The following RNF214 variants were observed in gnomAD, a reference collection of about 807,000 sequenced individuals.
RNF214 encodes ring finger protein 214.
In RNF214, 25 loss-of-function variants were observed where a neutral mutation model predicts 75.9. The observed-to-expected ratio is 0.33, with a 90% CI of 0.24 to 0.46. The LOEUF (loss-of-function observed/expected upper bound fraction) is 0.46. Among genes scored for constraint, RNF214 ranks in the 20% least tolerant of loss-of-function variants. The pLI, the probability that RNF214 is intolerant of heterozygous loss-of-function variation, is 1.00. For missense variants in RNF214, 725 were observed against 857.5 expected, an observed-to-expected ratio of 0.85 and a Z score of 1.93; for synonymous variants, 314 against 308.8, an observed-to-expected ratio of 1.02 and a Z score of -0.18.
chr11:117,283,827 T>TTTC (rs1332103626), intron 14 of RNF214, among the ~76,000 whole-genome samples: 1 of 151,956 alleles, frequency 6.6e-6, no homozygotes, highest in Non-Finnish European at 1.5e-5. Flanking sequence ...TAATTTTTTT[T>TTTC]TTCTTTTTTA....
Position 117,282,852 on chromosome 11 carries a change from T to A in RNF214, c.1950+2T>A. Reference sequence around the variant, plus strand: ...TCATATCCTGGAAGGTCTTCACATGTAAGACTCTTTTTCTTTGAACACTGT... The same window carrying A: ...TCATATCCTGGAAGGTCTTCACATGAAAGACTCTTTTTCTTTGAACACTGT... On this transcript the variant is annotated splice_donor_variant, in intron 13 of 14. Coordinates refer to ENST00000300650, the MANE Select transcript of RNF214 (RefSeq NM_207343.4). LOFTEE classifies it high-confidence loss of function. The A allele has an allele frequency of 6.2e-7, 1 of 1,603,016 alleles. No individual in the cohort carries two copies. The highest frequency in any genetic ancestry group is 8.5e-7 in the Non-Finnish European group (1 of 1,169,906).
chr11:117,270,254 T>C (rs1470072392), intron 6 of RNF214, among the ~76,000 whole-genome samples: 3 of 136,132 alleles, frequency 2.2e-5, no homozygotes, highest in South Asian at 2.4e-4. Flanking sequence ...TTTTTTTTTT[T>C]TTTTTTTTTT....
chr11:117,271,453 T>G (rs1437539285), intron 6 of RNF214, among the ~76,000 whole-genome samples: 1 of 152,242 alleles, frequency 6.6e-6, no homozygotes, highest in African/African-American at 2.4e-5. Flanking sequence ...TGTGTATTCC[T>G]TTCTCAATGA....
rs145642925 is a variant in RNF214, at chr11:117,269,016, T to G, written c.960-10892T>G. ...GCACAGGGGAATTGCAGGAGAATGA[T>G]AACCCAATAAAGTCCAGATGCTTAT... On this transcript the variant is annotated intron_variant, in intron 6 of 14. Transcript: ENST00000300650. Among the ~76,000 whole-genome samples the G allele has an allele frequency of 2.5e-3, 384 of 152,336 alleles. 13 individuals carry two copies. The South Asian group carries it at 0.049, about 20-fold the overall frequency.
intron 6 of RNF214, among the ~76,000 whole-genome samples, chr11:117,271,278 T>A (rs1320529708): frequency 6.6e-6 from 1 of 152,174 alleles, no homozygotes; most frequent in Admixed American, 6.5e-5. Context: ...CAGCTCCTAC[T>A]CTTTGTATTA....
intron 6 of RNF214, among the ~76,000 whole-genome samples, chr11:117,262,162 C>CT (rs1317491695): frequency 6.6e-6 from 1 of 151,708 alleles, no homozygotes; most frequent in Non-Finnish European, 1.5e-5. Context: ...CTCTGCCTCC[C>CT]TGCAAGCTCC....
intron 2 of RNF214, among the ~76,000 whole-genome samples, chr11:117,238,349 G>A (rs2032968716): frequency 6.6e-6 from 1 of 152,186 alleles, no homozygotes; most frequent in African/African-American, 2.4e-5. Context: ...AGACTGTAGT[G>A]AGCCTTGATG....
intron 1 of RNF214, among the ~76,000 whole-genome samples, chr11:117,233,815 ACTTCC>A (rs1031355347): frequency 2.0e-5 from 3 of 152,112 alleles, no homozygotes; most frequent in African/African-American, 7.2e-5. Flanking sequence ...ACCTCCAAAA[ACTTCC>A]CTTAAATTAA....
chr11:117,264,741 C>G (rs2033756415), intron 6 of RNF214, among the ~76,000 whole-genome samples: 1 of 152,076 alleles, frequency 6.6e-6, no homozygotes, highest in South Asian at 2.1e-4. Flanking sequence ...CCCCTTCAGC[C>G]TTTCTATGTT....
chr11:117,248,165 T>A (rs2033277745), intron 6 of RNF214, among the ~76,000 whole-genome samples: 2 of 152,256 alleles, frequency 1.3e-5, no homozygotes, highest in Admixed American at 6.5e-5. Context: ...AAGCTCCACC[T>A]CCCGGGTTCA....
chr11:117,274,740 T>C (rs2033981698), intron 6 of RNF214, among the ~76,000 whole-genome samples: 1 of 148,346 alleles, frequency 6.7e-6, no homozygotes, highest in African/African-American at 2.5e-5. Context: ...AATGGCACAA[T>C]CTCAGCTCAC....
chr11:117,235,280 T>G (rs2032871048), intron 2 of RNF214, among the ~76,000 whole-genome samples: 2 of 152,052 alleles, frequency 1.3e-5, no homozygotes, highest in South Asian at 4.1e-4. Context: ...CACTGCAAGC[T>G]CTGCCTCCCG....
chr11:117,282,405 G>A lies in RNF214; in HGVS notation c.1714G>A (p.Ala572Thr), dbSNP rs750740579. The A allele has an allele frequency of 6.8e-6, 11 of 1,611,884 alleles. No individual in the cohort carries two copies. The highest frequency in any genetic ancestry group is 9.3e-6 in the Non-Finnish European group (11 of 1,179,278). The change falls in exon 12 of 15, where the codon GCC becomes ACC. Residue 572 changes from alanine to threonine, a missense_variant and splice_region_variant. Ala to Thr is a moderately conservative substitution (Grantham distance 58). Around this residue, in one of 2 missense-constraint regions of RNF214, gnomAD observed 363 missense variants for 513.0 expected, o/e 0.71. Coordinates refer to ENST00000300650, the MANE Select transcript of RNF214 (RefSeq NM_207343.4). ...LLTRFPQCNK[A>T]QMTNILQQIK... is the part of the protein sequence containing the mutation. ...TCCCTCAACATTTTTTTTCCTCAGG[G>A]CCCAGATGACCAACATTCTTCAGCA...
chr11:117,248,678 T>C (rs570845216), intron 6 of RNF214, among the ~76,000 whole-genome samples: 86 of 152,306 alleles, frequency 5.6e-4, no homozygotes, highest in South Asian at 5.2e-3. Context: ...TTGTCTATAA[T>C]GATAATTTTC....
At chr11:117,258,107 GAC>G (rs1281241022) in intron 6 of RNF214, among the ~76,000 whole-genome samples, 2 of 148,660 alleles carry the variant, frequency 1.3e-5, no homozygotes, top group Admixed American at 6.7e-5. Flanking sequence ...CTTTTTTTGA[GAC>G]AGAGTCTCGC....
chr11:117,260,419 G>A (rs950063312), intron 6 of RNF214, among the ~76,000 whole-genome samples: 3 of 152,200 alleles, frequency 2.0e-5, no homozygotes, highest in African/African-American at 7.2e-5. Context: ...TGGCACTTTT[G>A]CCAAAAACCA....
intron 3 of RNF214, 62 bp downstream of exon 3, chr11:117,239,173 G>GATATTT: frequency 6.8e-7 from 1 of 1,478,658 alleles, no homozygotes. Context: ...CAGGGTGGGA[G>GATATTT]ATATTTCTTC....
Position 117,281,675 on chromosome 11 carries a change from A to G in RNF214, c.1312A>G (p.Thr438Ala). ...LSSLPQIPTPTLPPPPSETDF... is the reference protein window; with the variant it reads ...LSSLPQIPTPALPPPPSETDF... The stretch of plus-strand genomic sequence containing the variant: ...CAGCCTTCCTCAAATCCCTACTCCC[A>G]CTTTACCTCCACCCCCATCAGAGGT... Residue 438 changes from threonine (T) to alanine (A), a missense_variant, in exon 10 of 15, where the codon ACT (threonine) becomes GCT (alanine). Transcript: ENST00000300650. 6.2e-7 allele frequency: 1 copy of G among 1,613,074 alleles called. No homozygotes were observed. Among genetic ancestry groups the G allele is most frequent in the African/African-American group, 1.3e-5 (1 of 74,784 alleles).
Position 117,282,303 on chromosome 11 carries a change from C to A in RNF214, c.1712+33C>A, listed in dbSNP as rs374338656. On this transcript the variant is annotated intron_variant, in intron 11 of 14. Transcript: ENST00000300650. Reference sequence around the variant, plus strand: ...CCTTCAAGGACTGATTCAGATGTCTCTATCAGAGAAATGCTTATGGGTTAA... The same window carrying A: ...CCTTCAAGGACTGATTCAGATGTCTATATCAGAGAAATGCTTATGGGTTAA... 4 of 1,579,618 alleles carry A rather than the reference C, an allele frequency of 2.5e-6. No homozygotes were observed. In the African/African-American group the frequency reaches 4.1e-5, roughly 16 times the overall value.
Sources: gnomAD v4.1 joint callset for allele counts (sites outside exome capture counted in the v4.1 genomes callset) on GRCh38, gnomAD v4.1.1 for gene constraint, gnomAD v4.1.1 regional missense constraint, MANE v1.5 for transcripts, NCBI Gene and HGNC (gene_info 2026-07-23, HGNC 2026-07-21) for gene names.